GFOD1: variants seen among roughly 807,000 people sequenced by gnomAD.
The protein encoded by GFOD1 is glucose-fructose oxidoreductase domain-containing protein 1.
GFOD1 carries 9 observed loss-of-function variants against 25.4 expected under a neutral mutation model. The ratio of observed to expected loss-of-function variants is 0.35; its 90% CI spans 0.21 to 0.62. The LOEUF (loss-of-function observed/expected upper bound fraction) is 0.62. Ranked by LOEUF, GFOD1 falls within the 20% of genes least tolerant of loss-of-function variation. The probability of loss-of-function intolerance (pLI) is 0.72; values close to 1 mark genes in which losing one functional copy is unlikely to be tolerated. For missense variants in GFOD1, 403 were observed against 556.9 expected (o/e 0.72, Z 2.78); for synonymous variants, 253 against 245.6 (o/e 1.03, Z -0.28).
chr6:13,440,036 A>T (rs1004127293), intron 1 of GFOD1, among the ~76,000 whole-genome samples: 1 of 152,180 alleles, frequency 6.6e-6, no homozygotes, highest in Non-Finnish European at 1.5e-5. Flanking sequence ...TGCTTGCCCT[A>T]TACTGCCCTA....
At chr6:13,444,179 TA>T (rs1757964573) in intron 1 of GFOD1, among the ~76,000 whole-genome samples, 1 of 152,080 alleles carries the variant, frequency 6.6e-6, no homozygotes, top group African/African-American at 2.4e-5. Flanking sequence ...TATGCAGCTA[TA>T]AAAAAGAATG....
chr6:13,413,212 C>T (rs970792665), intron 1 of GFOD1, among the ~76,000 whole-genome samples: 21 of 152,192 alleles, frequency 1.4e-4, no homozygotes, highest in Non-Finnish European at 2.5e-4. Flanking sequence ...GGCCTTGACC[C>T]TTCCACACTC....
At chr6:13,475,536 C>T (rs976901874) in intron 1 of GFOD1, among the ~76,000 whole-genome samples, 8 of 149,708 alleles carry the variant, frequency 5.3e-5, no homozygotes, top group South Asian at 2.1e-4. Flanking sequence ...GGTGAAACCC[C>T]GTCTCTACTA....
chr6:13,395,945 G>T (rs1404311173), intron 1 of GFOD1, among the ~76,000 whole-genome samples: 1 of 152,212 alleles, frequency 6.6e-6, no homozygotes, highest in African/African-American at 2.4e-5. Flanking sequence ...AGCCTGGGAT[G>T]AGCAGAGGGC....
rs111705734 is a variant in GFOD1 at position 13,427,650 on chromosome 6, C to CA, written c.253+58987dup. 9.3e-3 allele frequency among the ~76,000 whole-genome samples: 1,386 copies of CA among 149,178 alleles called. 29 individuals are homozygous for CA. Among genetic ancestry groups the CA allele is most frequent in the African/African-American group, 0.03 (1,220 of 40,636 alleles). ...TGGGTGACAGAGTAAGAGCCTGTCT[C>CA]AAAAAAAAAGGCTTTGTAATAAACT... is the stretch of plus-strand genomic sequence containing the variant. On this transcript the variant is annotated intron_variant, in intron 1 of 1. Coordinates refer to ENST00000379287, the MANE Select transcript of GFOD1 (RefSeq NM_018988.4).
At chr6:13,450,284 G>A (rs988974983) in intron 1 of GFOD1, among the ~76,000 whole-genome samples, 4 of 152,208 alleles carry the variant, frequency 2.6e-5, no homozygotes. Flanking sequence ...AGCACAGGCA[G>A]AGGGGCCCAA....
At chr6:13,481,284 G>A (rs1295161190) in intron 1 of GFOD1, among the ~76,000 whole-genome samples, 1 of 152,374 alleles carries the variant, frequency 6.6e-6, no homozygotes, top group Non-Finnish European at 1.5e-5. Flanking sequence ...ACTTGAAAGT[G>A]AGAATGAGCT....
At chr6:13,444,832 C>A (rs959041072) in intron 1 of GFOD1, among the ~76,000 whole-genome samples, 3 of 152,092 alleles carry the variant, frequency 2.0e-5, no homozygotes, top group South Asian at 2.1e-4. Flanking sequence ...TGGCCTGGAA[C>A]CGCACCCACA....
At chr6:13,405,280 A>G (rs1031390709) in intron 1 of GFOD1, among the ~76,000 whole-genome samples, 6 of 152,254 alleles carry the variant, frequency 3.9e-5, no homozygotes, top group Non-Finnish European at 7.3e-5. Flanking sequence ...ACAAGCTGCA[A>G]ATGCAAGCCA....
At chr6:13,378,942 G>A (rs1785307144) in intron 1 of GFOD1, among the ~76,000 whole-genome samples, 1 of 116,996 alleles carries the variant, frequency 8.5e-6, no homozygotes, top group Non-Finnish European at 2.1e-5. Context: ...CAGCTTATGA[G>A]AACCCCATCT....
chr6:13,374,121 C>T (rs2127556650), intron 1 of GFOD1, among the ~76,000 whole-genome samples: 1 of 152,228 alleles, frequency 6.6e-6, no homozygotes, highest in South Asian at 2.1e-4. Context: ...TTGTCCTGTT[C>T]CCATCTTACA....
At chr6:13,367,382 A>G (rs112123671) in intron 1 of GFOD1, among the ~76,000 whole-genome samples, 2,997 of 152,270 alleles carry the variant, frequency 0.02, 92 homozygotes, top group African/African-American at 0.064. Flanking sequence ...GGCAGTGGTC[A>G]CAGATGTGTT....
At chr6:13,378,934 G>A (rs1785307040) in intron 1 of GFOD1, among the ~76,000 whole-genome samples, 1 of 131,714 alleles carries the variant, frequency 7.6e-6, no homozygotes, top group Non-Finnish European at 1.7e-5. Flanking sequence ...GAAACAATCA[G>A]CTTATGAGAA....
chr6:13,467,109 T>TA (rs1758391766), intron 1 of GFOD1, among the ~76,000 whole-genome samples: 1 of 148,940 alleles, frequency 6.7e-6, no homozygotes, highest in African/African-American at 2.5e-5. Context: ...GTAACTGATT[T>TA]CAAAAAAAAA....
intron 1 of GFOD1, among the ~76,000 whole-genome samples, chr6:13,480,324 G>A (rs1421163393): frequency 6.6e-6 from 1 of 152,164 alleles, no homozygotes; most frequent in African/African-American, 2.4e-5. Flanking sequence ...GAAAACAGAT[G>A]TCATCACATT....
chr6:13,486,829 A>C lies in GFOD1; in HGVS notation c.62T>G (p.Leu21Arg), dbSNP rs752459666. ...SLTARVIIPLLKDEGFAVKAL... is the reference protein window; with the variant it reads ...SLTARVIIPLRKDEGFAVKAL... ...CTTCACCGCGAAGCCCTCGTCTTTC[A>C]GCAGCGGGATGATGACACGGGCCGT... Residue 21 changes from leucine to arginine, a missense_variant, in exon 1 of 2, where the codon CTG becomes CGG. Leu to Arg is a moderately radical substitution (Grantham distance 102, BLOSUM62 -2). Coordinates refer to ENST00000379287, the MANE Select transcript of GFOD1 (RefSeq NM_018988.4). The C allele has an allele frequency of 6.2e-7, 1 of 1,613,752 alleles. No homozygotes were observed. The highest frequency in any genetic ancestry group is 1.3e-5 in the African/African-American group (1 of 75,020).
At chr6:13,409,787 T>C (rs1358444515) in intron 1 of GFOD1, among the ~76,000 whole-genome samples, 1 of 152,040 alleles carries the variant, frequency 6.6e-6, no homozygotes, top group East Asian at 1.9e-4. Flanking sequence ...CCAGGCATGG[T>C]GGCACACACC....
chr6:13,454,187 G>A (rs931995643), intron 1 of GFOD1, among the ~76,000 whole-genome samples: 1 of 152,132 alleles, frequency 6.6e-6, no homozygotes, highest in Non-Finnish European at 1.5e-5. Context: ...CAGAAGCCAG[G>A]ACAGGGCTGG....
At chr6:13,377,200 C>A (rs1043873283) in intron 1 of GFOD1, among the ~76,000 whole-genome samples, 16 of 152,230 alleles carry the variant, frequency 1.1e-4, no homozygotes, top group African/African-American at 3.4e-4. Context: ...ATACCACAGT[C>A]CTCACCAGTC....
Sources: allele counts gnomAD v4.1 joint callset (sites outside exome capture counted in the v4.1 genomes callset), GRCh38; gene constraint gnomAD v4.1.1; transcripts MANE v1.5; gene names NCBI Gene and HGNC (gene_info 2026-07-23, HGNC 2026-07-21).